Variants in ZNF385D observed in about 807,000 individuals in gnomAD.
ZNF385D encodes the protein zinc finger protein 659.
A neutral mutation model predicts 35.8 loss-of-function variants in ZNF385D; 15 were observed. The ratio of observed to expected loss-of-function variants is 0.42; its 90% confidence interval spans 0.28 to 0.64. The LOEUF (loss-of-function observed/expected upper bound fraction) is 0.64, where lower values mean the gene tolerates loss of function less well. Ranked by LOEUF, ZNF385D falls within the 30% of genes least tolerant of loss-of-function variation. The probability of loss-of-function intolerance (pLI) is 0.23; values close to 1 mark genes in which losing one functional copy is unlikely to be tolerated. For missense variants in ZNF385D, 474 were observed against 494.6 expected, an observed-to-expected ratio of 0.96 and a Z score of 0.39; for synonymous variants, 212 against 186.8, an observed-to-expected ratio of 1.13 and a Z score of -1.10.
intron 2 of ZNF385D, among the ~76,000 whole-genome samples, chr3:22,198,127 CTG>C (rs1696542546): frequency 6.6e-6 from 1 of 152,000 alleles, no homozygotes; most frequent in African/African-American, 2.4e-5. Flanking sequence ...GACACAGAAA[CTG>C]TGTATACAGT....
intron 2 of ZNF385D, among the ~76,000 whole-genome samples, chr3:21,604,262 G>T (rs1025882537): frequency 1.3e-5 from 2 of 152,186 alleles, no homozygotes; most frequent in African/African-American, 4.8e-5. Context: ...TGCTCTGTGT[G>T]TAGAAGCAGA....
At chr3:21,786,300 T>C (rs977200381) in intron 3 of ZNF385D, among the ~76,000 whole-genome samples, 3 of 152,126 alleles carry the variant, frequency 2.0e-5, no homozygotes, top group African/African-American at 7.2e-5. Context: ...TGCCAGTAAA[T>C]GTCCTTACTA....
chr3:22,142,492 T>C (rs1704569518), intron 3 of ZNF385D, among the ~76,000 whole-genome samples: 1 of 152,202 alleles, frequency 6.6e-6, no homozygotes, highest in African/African-American at 2.4e-5. Flanking sequence ...AAAGCAGCTA[T>C]AAAATCAATT....
chr3:21,521,853 G>T (rs879304181), intron 3 of ZNF385D, among the ~76,000 whole-genome samples: 2 of 152,132 alleles, frequency 1.3e-5, no homozygotes, highest in Non-Finnish European at 2.9e-5. Context: ...TTGCAGAGGG[G>T]TTAATCTTCC....
At chr3:22,182,351 C>T (rs558796847) in intron 2 of ZNF385D, among the ~76,000 whole-genome samples, 1 of 152,076 alleles carries the variant, frequency 6.6e-6, no homozygotes, top group Non-Finnish European at 1.5e-5. Flanking sequence ...CCAGCTGTAT[C>T]CCTAATCCCA....
intron 3 of ZNF385D, among the ~76,000 whole-genome samples, chr3:21,884,363 G>C (rs145892927): frequency 2.0e-5 from 3 of 152,018 alleles, no homozygotes; most frequent in African/African-American, 7.2e-5. Flanking sequence ...TGTTATCTGA[G>C]TGCTTCTCCT....
intron 3 of ZNF385D, among the ~76,000 whole-genome samples, chr3:21,954,241 T>C (rs1479984): frequency 0.26 from 39,424 of 151,582 alleles, 5,821 homozygotes; most frequent in Admixed American, 0.41. Flanking sequence ...ACAACTTCAA[T>C]GCCTGAATAT....
chr3:21,958,741 G>T (rs1200932120), intron 3 of ZNF385D: 1 of 149,102 alleles, frequency 6.7e-6, no homozygotes, highest in African/African-American at 2.5e-5. Flanking sequence ...TAAATATTAA[G>T]CTGTAGAGTG....
intron 3 of ZNF385D, chr3:21,542,783 C>T (rs889662418): frequency 2.0e-5 from 3 of 152,222 alleles, no homozygotes; most frequent in East Asian, 1.9e-4. Flanking sequence ...CAGGAAGCCT[C>T]GATCGGGGAA....
chr3:22,091,314 A>C (rs1701319978), intron 3 of ZNF385D, among the ~76,000 whole-genome samples: 1 of 152,198 alleles, frequency 6.6e-6, no homozygotes, highest in Admixed American at 6.5e-5. Context: ...TTAGTGAAGA[A>C]ACTTGAGCAG....
At position 21,420,833 on chromosome 3, in the gene ZNF385D, T is replaced by C. The variant is rs538741697; in HGVS notation, c.*381A>G. The C allele has an allele frequency of 1.2e-5, 2 of 164,662 alleles. No individual in the cohort carries two copies. The highest frequency in any genetic ancestry group is 4.8e-5 in the African/African-American group (2 of 41,894). 10.2% of individuals were successfully genotyped at this position (164,662 alleles called of 1,614,324 possible). On this transcript the variant is annotated 3_prime_UTR_variant, in exon 8 of 8. Coordinates refer to ENST00000281523, the MANE Select transcript of ZNF385D (RefSeq NM_024697.3). ...AATCTACAGAGTAAATTATTTTATA[T>C]ACATTGGAACCAGTTAATGCCCTTA...
At position 22,240,201 on chromosome 3, in the gene ZNF385D, A is replaced by AAAAAAAAAAG. The variant is rs374166678; in HGVS notation, c.107-71167_107-71166insCTTTTTTTTT. 1.2e-4 allele frequency among the ~76,000 whole-genome samples: 14 copies of AAAAAAAAAAG among 121,044 alleles called. 1 individual carries two copies. Among genetic ancestry groups the AAAAAAAAAAG allele is most frequent in the Non-Finnish European group, 1.3e-4 (8 of 61,000 alleles). The allele number at this position is 121,044 out of a possible 152,430, so 79.4% of individuals were successfully genotyped here. A position where few individuals can be genotyped will look rare whatever the true frequency, so the allele number is the denominator to read the frequency against. On this transcript the variant is annotated intron_variant, in intron 2 of 5. Coordinates refer to the ZNF385D transcript ENST00000494108. Reference sequence around the variant, plus strand: ...CTGTCTCCAAAAAAAAAAAAAAAAAAAAGATTTCAGACACCTGGCTCCACC... The same window carrying AAAAAAAAAAG: ...CTGTCTCCAAAAAAAAAAAAAAAAAAAAAAAAAAAGAAGATTTCAGACACCTGGCTCCACC...
chr3:22,304,864 C>T (rs1237569258), intron 2 of ZNF385D, among the ~76,000 whole-genome samples: 1 of 152,052 alleles, frequency 6.6e-6, no homozygotes, highest in Non-Finnish European at 1.5e-5. Context: ...TAGCAGTTGC[C>T]AAATAGGGTA....
At position 21,822,319 on chromosome 3, in the gene ZNF385D, G is replaced by A. The variant is rs536815549; in HGVS notation, c.326-157291C>T. ...TATCTCCTGACCTTGTGATTCACCC[G>A]CCTCAGCCTCCCAAAGTGCTGGGAG... is the stretch of plus-strand genomic sequence containing the variant. On this transcript the variant is annotated intron_variant, in intron 3 of 5. Transcript: ENST00000494108. Among the ~76,000 whole-genome samples, 62 of 152,142 alleles carry A rather than the reference G, an allele frequency of 4.1e-4. 1 individual carries two copies. The highest frequency in any genetic ancestry group is 3.4e-3 in the Middle Eastern group (1 of 294).
chr3:21,840,518 C>A (rs565676159), intron 3 of ZNF385D, among the ~76,000 whole-genome samples: 1 of 151,952 alleles, frequency 6.6e-6, no homozygotes, highest in African/African-American at 2.4e-5. Flanking sequence ...ACGGTATGCC[C>A]AATACTAAAG....
chr3:22,026,139 G>A (rs1422351739), intron 3 of ZNF385D, among the ~76,000 whole-genome samples: 1 of 152,096 alleles, frequency 6.6e-6, no homozygotes, highest in African/African-American at 2.4e-5. Flanking sequence ...TTGATAGGAA[G>A]CCTACTGCAT....
intron 5 of ZNF385D, 39 bp from the exon 6 acceptor site, chr3:21,425,709 G>C: frequency 6.8e-7 from 1 of 1,467,868 alleles, no homozygotes; most frequent in Non-Finnish European, 9.1e-7. Context: ...AAAGGAGGGA[G>C]GAAAGAAGGG....
intron 2 of ZNF385D, among the ~76,000 whole-genome samples, chr3:22,346,252 G>A (rs909690270): frequency 6.6e-5 from 10 of 150,896 alleles, no homozygotes; most frequent in African/African-American, 1.7e-4. Flanking sequence ...AGGAATAGAC[G>A]TTTTTCCTCA....
At chr3:21,631,111 T>C (rs1559474206) in intron 2 of ZNF385D, among the ~76,000 whole-genome samples, 1 of 152,102 alleles carries the variant, frequency 6.6e-6, no homozygotes, top group African/African-American at 2.4e-5. Flanking sequence ...GGGTTTGCGG[T>C]TGTGGGGAAC....
Sources: gnomAD v4.1 joint callset for allele counts (sites outside exome capture counted in the v4.1 genomes callset) on GRCh38, gnomAD v4.1.1 for gene constraint, MANE v1.5 for transcripts, NCBI Gene and HGNC (gene_info 2026-07-23, HGNC 2026-07-21) for gene names.